DKK2: variants seen among roughly 807,000 people sequenced by gnomAD.
DKK2 encodes dickkopf-related protein 2.
In DKK2, 11 loss-of-function variants were observed where a neutral mutation model predicts 28.1. The observed-to-expected ratio is 0.39, with a 90% CI of 0.25 to 0.65. The LOEUF (loss-of-function observed/expected upper bound fraction) is 0.65. Ranked by LOEUF, DKK2 falls within the 30% of genes least tolerant of loss-of-function variation. The probability of loss-of-function intolerance (pLI) is 0.47; values close to 1 mark genes in which losing one functional copy is unlikely to be tolerated. For synonymous variants in DKK2, 135 were observed against 126.5 expected, an observed-to-expected ratio of 1.07 and a Z score of -0.45; for missense variants, 326 against 335.5, an observed-to-expected ratio of 0.97 and a Z score of 0.22.
chr4:106,931,819 T>A (rs2110340443), intron 1 of DKK2, among the ~76,000 whole-genome samples: 1 of 152,280 alleles, frequency 6.6e-6, no homozygotes. Flanking sequence ...GTTTCACTTT[T>A]AAAAAATTAA....
chr4:106,927,170 T>A (rs903393482), intron 1 of DKK2, among the ~76,000 whole-genome samples: 1 of 152,228 alleles, frequency 6.6e-6, no homozygotes, highest in Non-Finnish European at 1.5e-5. Flanking sequence ...AAATACTTAG[T>A]GAGATTTCAG....
chr4:106,973,045 C>T (rs1722891364), intron 1 of DKK2, among the ~76,000 whole-genome samples: 1 of 152,128 alleles, frequency 6.6e-6, no homozygotes, highest in Non-Finnish European at 1.5e-5. Flanking sequence ...CAGCTTCATC[C>T]ATGTCCCTGC....
chr4:106,964,963 A>AGAT (rs201518189), intron 1 of DKK2, among the ~76,000 whole-genome samples: 2,060 of 125,028 alleles, frequency 0.016, 18 homozygotes, highest in Non-Finnish European at 0.023. Context: ...AGATAGATAT[A>AGAT]GATAGATAGA....
chr4:106,925,992 G>A (rs757143676), intron 1 of DKK2, 43 bp from the exon 2 acceptor site: 110 of 1,550,236 alleles, frequency 7.1e-5, no homozygotes, highest in Non-Finnish European at 9.0e-5. Flanking sequence ...GGATTAGATC[G>A]TGTTTCACTT....
intron 1 of DKK2, among the ~76,000 whole-genome samples, chr4:106,953,486 G>C (rs1343233528): frequency 6.6e-6 from 1 of 152,120 alleles, no homozygotes; most frequent in Non-Finnish European, 1.5e-5. Context: ...GGTGGGGAGG[G>C]GAGCAAAGAA....
intron 1 of DKK2, among the ~76,000 whole-genome samples, chr4:106,935,407 T>C (rs565052893): frequency 1.6e-3 from 243 of 152,256 alleles, no homozygotes; most frequent in Non-Finnish European, 3.0e-3. Context: ...GCTTTTCCAA[T>C]GGGCTTAAAA....
chr4:106,924,858 G>A (rs1724403558), intron 2 of DKK2, among the ~76,000 whole-genome samples, 158 bp from the exon 3 acceptor site: 1 of 152,040 alleles, frequency 6.6e-6, no homozygotes, highest in African/African-American at 2.4e-5. Context: ...TTGAGACTGA[G>A]CATACTTTGG....
chr4:106,983,845 G>A (rs1723074557), intron 1 of DKK2, among the ~76,000 whole-genome samples: 1 of 152,180 alleles, frequency 6.6e-6, no homozygotes, highest in South Asian at 2.1e-4. Flanking sequence ...ATGACAAAAT[G>A]CACCTGAAAA....
chr4:106,976,628 G>A (rs982699229), intron 1 of DKK2, among the ~76,000 whole-genome samples: 1 of 151,838 alleles, frequency 6.6e-6, no homozygotes, highest in African/African-American at 2.4e-5. Flanking sequence ...AAGCATATAT[G>A]TGTCTTTGCA....
At chr4:106,928,508 C>A (rs1724455235) in intron 1 of DKK2, among the ~76,000 whole-genome samples, 1 of 151,966 alleles carries the variant, frequency 6.6e-6, no homozygotes, top group Non-Finnish European at 1.5e-5. Context: ...TATTACACAG[C>A]TTCTAATATG....
chr4:106,963,616 C>A (rs1351842950), intron 1 of DKK2, among the ~76,000 whole-genome samples: 8 of 152,078 alleles, frequency 5.3e-5, no homozygotes, highest in Admixed American at 3.9e-4. Flanking sequence ...CTATGGAGAA[C>A]AATTGGGAGG....
chr4:106,951,264 G>A (rs1452263512), intron 1 of DKK2, among the ~76,000 whole-genome samples: 1 of 151,986 alleles, frequency 6.6e-6, no homozygotes, highest in Non-Finnish European at 1.5e-5. Flanking sequence ...ATGGAAAATA[G>A]TATGAAGATT....
intron 1 of DKK2, among the ~76,000 whole-genome samples, chr4:106,941,899 T>G (rs990975620): frequency 2.0e-5 from 3 of 152,154 alleles, no homozygotes; most frequent in African/African-American, 7.2e-5. Flanking sequence ...TTAAAATACT[T>G]TTCTAAAAAA....
At chr4:106,952,773 G>C (rs577328457) in intron 1 of DKK2, among the ~76,000 whole-genome samples, 1 of 152,118 alleles carries the variant, frequency 6.6e-6, no homozygotes, top group Non-Finnish European at 1.5e-5. Flanking sequence ...TCTAGGGAAA[G>C]ATCTGGGCAT....
At chr4:106,989,222 C>T (rs1250565242) in intron 1 of DKK2, among the ~76,000 whole-genome samples, 2 of 152,134 alleles carry the variant, frequency 1.3e-5, no homozygotes, top group Non-Finnish European at 2.9e-5. Context: ...TCTAGTAAAA[C>T]CAACAACTTT....
chr4:106,985,933 AG>A (rs1007729531), intron 1 of DKK2, among the ~76,000 whole-genome samples: 7 of 152,094 alleles, frequency 4.6e-5, no homozygotes, highest in Admixed American at 3.9e-4. Flanking sequence ...GAAGGCAAGA[AG>A]AAAGAAGAAA....
chr4:106,958,873 CAT>C, intron 1 of DKK2, among the ~76,000 whole-genome samples: 1 of 146,310 alleles, frequency 6.8e-6, no homozygotes, highest in South Asian at 2.2e-4. Flanking sequence ...AGAAAGAAAA[CAT>C]AAAAGAAAAA....
chr4:106,982,259 A>G (rs1723036904), intron 1 of DKK2, among the ~76,000 whole-genome samples: 1 of 152,210 alleles, frequency 6.6e-6, no homozygotes, highest in Non-Finnish European at 1.5e-5. Context: ...TCAAGTATGT[A>G]TTGAGTATGT....
chr4:107,029,690 G>A (rs1278842289), intron 1 of DKK2, among the ~76,000 whole-genome samples: 3 of 152,078 alleles, frequency 2.0e-5, no homozygotes, highest in Admixed American at 1.3e-4. Context: ...CTTGGGAAAG[G>A]TTTGGACAGA....
Sources: gnomAD v4.1 joint callset for allele counts (sites outside exome capture counted in the v4.1 genomes callset) on GRCh38, gnomAD v4.1.1 for gene constraint, MANE v1.5 for transcripts, NCBI Gene and HGNC (gene_info 2026-07-23, HGNC 2026-07-21) for gene names.